Variants in SPHKAP observed in about 807,000 individuals in gnomAD.
The protein encoded by SPHKAP is A-kinase anchor protein SPHKAP.
In SPHKAP, 67 loss-of-function variants were observed where a neutral mutation model predicts 137.5. The observed-to-expected ratio is 0.49, with a 90% CI of 0.40 to 0.60. The LOEUF (loss-of-function observed/expected upper bound fraction) is 0.60. Among genes scored for constraint, SPHKAP ranks in the 20% least tolerant of loss-of-function variants. The pLI, the probability that SPHKAP is intolerant of heterozygous loss-of-function variation, is 0.00. For synonymous variants in SPHKAP, 813 were observed against 785.3 expected (o/e 1.04, Z -0.59); for missense variants, 2,097 against 2,069.3 (o/e 1.01, Z -0.26).
At chr2:228,155,861 G>A (rs774930258) in intron 1 of SPHKAP, among the ~76,000 whole-genome samples, 17 of 152,302 alleles carry the variant, frequency 1.1e-4, no homozygotes, top group Middle Eastern at 6.8e-3. Flanking sequence ...AAACAGGCAA[G>A]AGAGCTTCTG....
chr2:228,145,370 A>G (rs2106391792), intron 1 of SPHKAP, among the ~76,000 whole-genome samples: 1 of 152,310 alleles, frequency 6.6e-6, no homozygotes, highest in African/African-American at 2.4e-5. Context: ...TTTAGTATAT[A>G]TTATGGGGAC....
chr2:228,177,098 A>G (rs1700767395), intron 1 of SPHKAP, among the ~76,000 whole-genome samples: 1 of 116,760 alleles, frequency 8.6e-6, no homozygotes, highest in African/African-American at 3.3e-5. Context: ...CCCATTTACA[A>G]GATCATGGAG....
intron 1 of SPHKAP, among the ~76,000 whole-genome samples, chr2:228,145,682 AAC>A (rs1699754894): frequency 6.6e-6 from 1 of 152,192 alleles, no homozygotes; most frequent in Admixed American, 6.5e-5. Context: ...AAATATAGTA[AAC>A]TTAAAATAGA....
At chr2:228,156,924 T>A (rs1169816371) in intron 1 of SPHKAP, among the ~76,000 whole-genome samples, 1 of 152,146 alleles carries the variant, frequency 6.6e-6, no homozygotes, top group African/African-American at 2.4e-5. Flanking sequence ...ACCTCTTTCC[T>A]TTATAAATTA....
intron 3 of SPHKAP, among the ~76,000 whole-genome samples, chr2:228,108,310 C>A (rs576122556): frequency 3.3e-5 from 5 of 152,214 alleles, no homozygotes; most frequent in Admixed American, 1.3e-4. Context: ...GGAAGAATAT[C>A]TTTTCCCTTG....
chr2:228,049,363 C>T (rs1696174057), intron 3 of SPHKAP, among the ~76,000 whole-genome samples: 3 of 152,162 alleles, frequency 2.0e-5, no homozygotes, highest in South Asian at 4.1e-4. Context: ...CCTTCTGCCC[C>T]ACATTTTCTA....
At chr2:228,167,657 G>A (rs13384573) in intron 1 of SPHKAP, among the ~76,000 whole-genome samples, 20,506 of 152,060 alleles carry the variant, frequency 0.13, 1,392 homozygotes, top group East Asian at 0.2. Flanking sequence ...TATGTATTCA[G>A]GTGAAAATAA....
chr2:228,165,360 A>G (rs1006113315), intron 1 of SPHKAP, among the ~76,000 whole-genome samples: 1 of 152,226 alleles, frequency 6.6e-6, no homozygotes, highest in Non-Finnish European at 1.5e-5. Context: ...GGTCTTATCC[A>G]AAGGGAAGAG....
chr2:227,997,212 G>A (rs1453313910), intron 7 of SPHKAP, among the ~76,000 whole-genome samples: 1 of 152,150 alleles, frequency 6.6e-6, no homozygotes, highest in Non-Finnish European at 1.5e-5. Context: ...AGTTTCATGT[G>A]CCTCAACCCT....
Position 228,018,046 on chromosome 2 carries a change from C to G in SPHKAP, c.2808G>C (p.Thr936=), listed in dbSNP as rs894092535. ...CAATTTCAGTTGCCATGGAGACGAC[C>G]GTGTCTGCTAATTCTTCCGCAAAGT... ...ITDFAEELAD[T]VVSMATEIAA... Residue 936 remains threonine (T), a synonymous_variant, in exon 7 of 12, where the codon ACG becomes ACC. Coordinates refer to ENST00000392056, the MANE Select transcript of SPHKAP (RefSeq NM_001142644.2). 1.2e-6 allele frequency: 2 copies of G among 1,614,006 alleles called. No individual in the cohort carries two copies. The highest frequency in any genetic ancestry group is 1.7e-5 in the Admixed American group (1 of 59,992).
intron 3 of SPHKAP, among the ~76,000 whole-genome samples, chr2:228,081,990 A>T (rs887710842): frequency 6.6e-6 from 1 of 152,258 alleles, no homozygotes; most frequent in Non-Finnish European, 1.5e-5. Context: ...TAATGTGTAT[A>T]TTAATAGCTT....
intron 3 of SPHKAP, among the ~76,000 whole-genome samples, chr2:228,092,337 GTA>G (rs1275668191): frequency 8.5e-6 from 1 of 117,778 alleles, no homozygotes; most frequent in Non-Finnish European, 1.8e-5. Flanking sequence ...ACACACACGT[GTA>G]TGTGTGTGTA....
At chr2:228,173,812 C>A (rs781033962) in intron 1 of SPHKAP, among the ~76,000 whole-genome samples, 1 of 152,196 alleles carries the variant, frequency 6.6e-6, no homozygotes, top group African/African-American at 2.4e-5. Context: ...AAAAGCAATA[C>A]GATGCCTTTA....
At chr2:228,099,617 G>C (rs180792323) in intron 3 of SPHKAP, among the ~76,000 whole-genome samples, 125 of 152,268 alleles carry the variant, frequency 8.2e-4, no homozygotes, top group African/African-American at 2.9e-3. Flanking sequence ...GCTTTGGGCA[G>C]TACGGCCATT....
chr2:228,016,472 T>C lies in SPHKAP; in HGVS notation c.4382A>G (p.Asn1461Ser), dbSNP rs756862370. Reference sequence around the variant, plus strand: ...CACCACATCTGGGATGTTTTTGTCATTCGAATGCCCTTCTGCTTCCTCTAG... The same window carrying C: ...CACCACATCTGGGATGTTTTTGTCACTCGAATGCCCTTCTGCTTCCTCTAG... Reference protein sequence around the residue: ...SLLEEAEGHSNDKNIPDVVRG... With the variant: ...SLLEEAEGHSSDKNIPDVVRG... Residue 1461 changes from asparagine (N) to serine (S), a missense_variant, in exon 7 of 12, where the codon AAT (asparagine) becomes AGT (serine). Asn to Ser is a conservative substitution (Grantham distance 46, BLOSUM62 1). Transcript: ENST00000392056. The C allele has an allele frequency of 6.2e-7, 1 of 1,612,812 alleles. No homozygotes were observed. Among genetic ancestry groups the C allele is most frequent in the Admixed American group, 1.7e-5 (1 of 59,712 alleles).
intron 8 of SPHKAP, 84 bp downstream of exon 8, chr2:227,995,425 C>A (rs2106168028): frequency 6.6e-7 from 1 of 1,509,304 alleles, no homozygotes; most frequent in Admixed American, 1.7e-5. Flanking sequence ...TTATTAGGGA[C>A]CCTTTGCAGA....
chr2:227,995,978 G>C (rs1004967171), intron 7 of SPHKAP: 1 of 985,186 alleles, frequency 1.0e-6, no homozygotes, highest in Non-Finnish European at 1.2e-6. Flanking sequence ...ACACACAAAA[G>C]AATTATTGAG....
Position 228,019,063 on chromosome 2 carries a change from T to A in SPHKAP, c.1791A>T (p.Glu597Asp). 6.2e-7 allele frequency: 1 copy of A among 1,614,156 alleles called. No individual in the cohort carries two copies. Among genetic ancestry groups the A allele is most frequent in the African/African-American group, 1.3e-5 (1 of 75,066 alleles). Residue 597 changes from glutamate (E) to aspartate (D), a missense_variant, in exon 7 of 12, where the codon GAA becomes GAT. By Grantham distance (45) the Glu-to-Asp change is conservative (BLOSUM62 2). Coordinates refer to ENST00000392056, the MANE Select transcript of SPHKAP (RefSeq NM_001142644.2). ...GSLPPAAEASEAMPPLCGLAS... is the reference protein window; with the variant it reads ...GSLPPAAEASDAMPPLCGLAS... ...CTAAACCACAAAGTGGGGGCATGGCTTCAGAAGCCTCAGCTGCAGGCGGGA... is the reference window on the plus strand; with the variant it reads ...CTAAACCACAAAGTGGGGGCATGGCATCAGAAGCCTCAGCTGCAGGCGGGA...
At chr2:228,143,489 T>A (rs184250656) in intron 1 of SPHKAP, among the ~76,000 whole-genome samples, 103 of 152,030 alleles carry the variant, frequency 6.8e-4, no homozygotes, top group South Asian at 6.7e-3. Flanking sequence ...TTTATTTTTA[T>A]TTTTAATTTT....
Sources: gnomAD v4.1 joint callset for allele counts (sites outside exome capture counted in the v4.1 genomes callset) on GRCh38, gnomAD v4.1.1 for gene constraint, MANE v1.5 for transcripts, NCBI Gene and HGNC (gene_info 2026-07-23, HGNC 2026-07-21) for gene names.